DAB1: variants seen among roughly 807,000 people sequenced by gnomAD.
The protein encoded by DAB1 is DAB adaptor protein 1.
A neutral mutation model predicts 64.6 loss-of-function variants in DAB1; 15 were observed. The observed-to-expected ratio is 0.23, with a 90% CI of 0.16 to 0.36. The LOEUF is 0.36. DAB1 is among the 10% of genes least tolerant of loss of function. DAB1 has a pLI of 1.00. For missense variants in DAB1, 596 were observed against 706.7 expected, an observed-to-expected ratio of 0.84 and a Z score of 1.78; for synonymous variants, 235 against 251.9, an observed-to-expected ratio of 0.93 and a Z score of 0.64.
intron 3 of DAB1, among the ~76,000 whole-genome samples, chr1:58,502,190 T>C (rs1176997105): frequency 6.6e-6 from 1 of 152,200 alleles, no homozygotes; most frequent in African/African-American, 2.4e-5. Context: ...CAATCTTCAA[T>C]AAGCTAAAGT....
chr1:57,496,359 A>G (rs1313564224), intron 7 of DAB1, among the ~76,000 whole-genome samples: 1 of 151,096 alleles, frequency 6.6e-6, no homozygotes, highest in Non-Finnish European at 1.5e-5. Context: ...GCAATAAAAA[A>G]CTCTCTCTTG....
intron 4 of DAB1, among the ~76,000 whole-genome samples, chr1:57,109,760 G>C (rs557063471): frequency 8.8e-4 from 134 of 152,228 alleles, no homozygotes; most frequent in African/African-American, 3.0e-3. Context: ...ATGAGAATAG[G>C]AAAACATACC....
intron 1 of DAB1, among the ~76,000 whole-genome samples, chr1:57,352,950 C>A (rs534220144): frequency 4.1e-4 from 62 of 152,110 alleles, no homozygotes; most frequent in African/African-American, 1.4e-3. Context: ...TCCAAGAGAC[C>A]GCCTTTAGAA....
intron 4 of DAB1, among the ~76,000 whole-genome samples, chr1:57,083,295 T>G (rs563902717): frequency 6.6e-6 from 1 of 152,236 alleles, no homozygotes; most frequent in Non-Finnish European, 1.5e-5. Flanking sequence ...GCAGCCTCTG[T>G]GCACTTGAAT....
At chr1:58,011,634 A>AAT (rs1036099664) in intron 5 of DAB1, among the ~76,000 whole-genome samples, 3 of 152,148 alleles carry the variant, frequency 2.0e-5, no homozygotes, top group African/African-American at 7.2e-5. Flanking sequence ...AAAAAAACAC[A>AAT]ATAGTTTATT....
intron 4 of DAB1, among the ~76,000 whole-genome samples, chr1:57,107,680 G>A (rs1655296018): frequency 6.6e-6 from 1 of 152,100 alleles, no homozygotes; most frequent in Admixed American, 6.5e-5. Context: ...AGTAAATGTA[G>A]GTCCAGAAAG....
chr1:57,858,854 C>A (rs1432804135), intron 1 of DAB1, among the ~76,000 whole-genome samples: 1 of 151,098 alleles, frequency 6.6e-6, no homozygotes, highest in Admixed American at 6.6e-5. Flanking sequence ...AGTCCACTAA[C>A]CTGAGGGGTA....
At chr1:58,307,441 G>C (rs1400519596) in intron 4 of DAB1, among the ~76,000 whole-genome samples, 5 of 152,188 alleles carry the variant, frequency 3.3e-5, no homozygotes. Flanking sequence ...AACAGGCATA[G>C]AGTTATACAG....
chr1:57,728,858 A>T (rs7354949), intron 6 of DAB1, among the ~76,000 whole-genome samples: 1 of 152,036 alleles, frequency 6.6e-6, no homozygotes, highest in African/African-American at 2.4e-5. Context: ...TGGCACTCCC[A>T]TTTCTATAGT....
rs569448233 is a variant in DAB1, at chr1:57,118,845, A to G, written c.306+17698T>C. ...TATAACTGTTTCCATTGTCTGATGA[A>G]TAATCTGGGGTACAGACAAGTTAAG... is the stretch of plus-strand genomic sequence containing the variant. On this transcript the variant is annotated intron_variant, in intron 4 of 14. Coordinates refer to ENST00000371236, the MANE Select transcript of DAB1 (RefSeq NM_001365792.1). Among the ~76,000 whole-genome samples, 63 of 152,070 alleles carry G rather than the reference A, an allele frequency of 4.1e-4. 2 individuals are homozygous for G. The South Asian group carries it at 0.012, about 29-fold the overall frequency.
At chr1:57,970,679 C>A (rs17116586) in intron 5 of DAB1, among the ~76,000 whole-genome samples, 5,781 of 152,162 alleles carry the variant, frequency 0.038, 202 homozygotes, top group East Asian at 0.12. Context: ...CAGTCACTCC[C>A]TTTCAAATTC....
chr1:58,337,907 C>T (rs1293461942), intron 4 of DAB1, among the ~76,000 whole-genome samples: 1 of 151,942 alleles, frequency 6.6e-6, no homozygotes, highest in Non-Finnish European at 1.5e-5. Flanking sequence ...AGATCTCTTA[C>T]ACAACAATGT....
chr1:57,655,437 T>C (rs1231132768), intron 6 of DAB1, among the ~76,000 whole-genome samples: 1 of 152,140 alleles, frequency 6.6e-6, no homozygotes, highest in African/African-American at 2.4e-5. Context: ...CGTCCAACCT[T>C]CATCATTCAT....
At chr1:57,450,229 G>A (rs889183942) in intron 7 of DAB1, among the ~76,000 whole-genome samples, 1 of 152,152 alleles carries the variant, frequency 6.6e-6, no homozygotes, top group Admixed American at 6.6e-5. Flanking sequence ...AAGTGTAAAC[G>A]ACTGACACTT....
intron 1 of DAB1, among the ~76,000 whole-genome samples, chr1:57,870,043 T>A (rs1454065137): frequency 1.3e-5 from 2 of 152,142 alleles, no homozygotes; most frequent in African/African-American, 2.4e-5. Flanking sequence ...GCAAATTGGA[T>A]GAGTTTTGGA....
chr1:58,054,711 A>C (rs2100536192), intron 5 of DAB1, among the ~76,000 whole-genome samples: 1 of 152,340 alleles, frequency 6.6e-6, no homozygotes, highest in Admixed American at 6.5e-5. Context: ...TATAACCTAC[A>C]GAAAGTCTTT....
At chr1:58,013,553 G>A (rs1646699039) in intron 5 of DAB1, among the ~76,000 whole-genome samples, 1 of 152,156 alleles carries the variant, frequency 6.6e-6, no homozygotes, top group South Asian at 2.1e-4. Flanking sequence ...GACACGAGTG[G>A]TCATCCCTAG....
chr1:58,474,231 G>A (rs1645396513), intron 3 of DAB1, among the ~76,000 whole-genome samples: 1 of 152,150 alleles, frequency 6.6e-6, no homozygotes, highest in Non-Finnish European at 1.5e-5. Flanking sequence ...CAACATACAG[G>A]TGAGGATAAA....
At position 57,747,807 on chromosome 1, in the gene DAB1, CAAA is replaced by C. The variant is rs373640023; in HGVS notation, n.552-98145_552-98143del. Among the ~76,000 whole-genome samples the C allele has an allele frequency of 4.1e-4, 18 of 43,974 alleles. No individual in the cohort carries two copies. The South Asian group carries it at 6.3e-3, about 15-fold the overall frequency. The allele number at this position is 43,974 out of a possible 152,430, so 28.8% of individuals were successfully genotyped here. ...CTGGGCGACAGAGGAGGACTCTGTCCAAAAAAAAAAAAAAAAAAAAAAAAAAGA... is the reference window on the plus strand; with the variant it reads ...CTGGGCGACAGAGGAGGACTCTGTCCAAAAAAAAAAAAAAAAAAAAAAAGA... On this transcript the variant is annotated intron_variant and non_coding_transcript_variant, in intron 6 of 20. Transcript: ENST00000485760.
Sources: allele counts gnomAD v4.1 joint callset (sites outside exome capture counted in the v4.1 genomes callset), GRCh38; gene constraint gnomAD v4.1.1; transcripts MANE v1.5; gene names NCBI Gene and HGNC (gene_info 2026-07-23, HGNC 2026-07-21).